Variants in KLHL5 observed in about 807,000 individuals in gnomAD.
KLHL5 encodes kelch like family member 5, also known as kelch-like protein 5.
A neutral mutation model predicts 77.7 loss-of-function variants in KLHL5; 48 were observed. That is an observed-to-expected ratio of 0.62 (90% confidence interval 0.49 to 0.79). The LOEUF (loss-of-function observed/expected upper bound fraction) is 0.79, where lower values mean the gene tolerates loss of function less well. KLHL5 is among the 30% of genes least tolerant of loss of function. KLHL5 has a pLI of 0.00. For missense variants in KLHL5, 723 were observed against 859.7 expected, an observed-to-expected ratio of 0.84 and a Z score of 1.99; for synonymous variants, 260 against 297.0, an observed-to-expected ratio of 0.88 and a Z score of 1.28.
chr4:39,117,026 G>A (rs73238530), intron 10 of KLHL5, among the ~76,000 whole-genome samples: 21,045 of 152,112 alleles, frequency 0.14, 1,765 homozygotes, highest in East Asian at 0.2. Context: ...TAGTAGAGAC[G>A]GGGTTTTGTC....
At chr4:39,074,167 G>A (rs1400425074) in intron 1 of KLHL5, among the ~76,000 whole-genome samples, 1 of 152,058 alleles carries the variant, frequency 6.6e-6, no homozygotes, top group East Asian at 1.9e-4. Flanking sequence ...AATATTCATA[G>A]TGTACAACAC....
chr4:39,142,655 T>TG, the KLHL5 span, among the ~76,000 whole-genome samples: 469 of 148,784 alleles, frequency 3.2e-3, no homozygotes, highest in Non-Finnish European at 4.9e-3. Flanking sequence ...ACTACCCAAA[T>TG]GTCCTGTAAT....
At chr4:39,110,777 T>C (rs550131848) in intron 8 of KLHL5, among the ~76,000 whole-genome samples, 1 of 152,272 alleles carries the variant, frequency 6.6e-6, no homozygotes, top group African/African-American at 2.4e-5. Flanking sequence ...CTACTTGCAT[T>C]CTTGATCATA....
At chr4:39,048,638 CTTTTT>C (rs34713116) in intron 1 of KLHL5, among the ~76,000 whole-genome samples, 3 of 79,142 alleles carry the variant, frequency 3.8e-5, no homozygotes, top group East Asian at 4.6e-4. Context: ...TTTACATTGG[CTTTTT>C]TTTTTTTTTT....
chr4:39,096,615 A>T, intron 5 of KLHL5, 77 bp from the exon 6 acceptor site: 1 of 983,194 alleles, frequency 1.0e-6, no homozygotes, highest in Non-Finnish European at 1.5e-6. Context: ...AATCCATTTG[A>T]GAACTATGTC....
At chr4:39,054,229 A>G (rs1481186826) in intron 1 of KLHL5, among the ~76,000 whole-genome samples, 2 of 152,160 alleles carry the variant, frequency 1.3e-5, no homozygotes, top group African/African-American at 4.8e-5. Flanking sequence ...GGTATTTTTG[A>G]GTAGTGAATG....
chr4:39,056,202 A>G (rs563802947), intron 1 of KLHL5, among the ~76,000 whole-genome samples: 90 of 152,308 alleles, frequency 5.9e-4, no homozygotes, highest in African/African-American at 2.1e-3. Flanking sequence ...GGTTCACTGC[A>G]GCCTCCACTT....
At chr4:39,083,787 C>T (rs986087985) in intron 4 of KLHL5, among the ~76,000 whole-genome samples, 6 of 152,154 alleles carry the variant, frequency 3.9e-5, no homozygotes, top group African/African-American at 1.4e-4. Context: ...ATTTAGGTCA[C>T]TCCTGTTGTT....
rs1483658874 is a variant in KLHL5, at chr4:39,122,965, T to C, written c.*1899T>C. 1.3e-5 allele frequency among the ~76,000 whole-genome samples: 2 copies of C among 152,216 alleles called. No individual in the cohort carries two copies. Among genetic ancestry groups the C allele is most frequent in the Admixed American group, 1.3e-4 (2 of 15,280 alleles). On this transcript the variant is annotated 3_prime_UTR_variant, in exon 11 of 11. Coordinates refer to ENST00000504108, the MANE Select transcript of KLHL5 (RefSeq NM_015990.5). ...CCTTAGTATTTAGGGAAGACTTTTGTTTAAATCTCTTATGGAATTTTACAT... is the reference window on the plus strand; with the variant it reads ...CCTTAGTATTTAGGGAAGACTTTTGCTTAAATCTCTTATGGAATTTTACAT...
chr4:39,103,554 C>T (rs746736935), intron 7 of KLHL5, 43 bp downstream of exon 7: 2 of 1,476,328 alleles, frequency 1.4e-6, no homozygotes, highest in African/African-American at 1.4e-5. Context: ...TCACATAGCT[C>T]CCACGGCACA....
upstream of KLHL5, among the ~76,000 whole-genome samples, chr4:39,060,158 G>A (rs1030658706): frequency 6.6e-6 from 1 of 152,094 alleles, no homozygotes; most frequent in Non-Finnish European, 1.5e-5. Context: ...AAAATTAGGT[G>A]AGAAGAGCAA....
intron 5 of KLHL5, among the ~76,000 whole-genome samples, chr4:39,094,678 TA>T (rs199684788): frequency 2.0e-4 from 30 of 150,074 alleles, no homozygotes; most frequent in Admixed American, 1.0e-3. Context: ...GAATAAAGAA[TA>T]AAAAAAAACA....
intron 10 of KLHL5, 128 bp downstream of exon 10, chr4:39,115,458 A>G: frequency 6.5e-7 from 1 of 1,528,356 alleles, no homozygotes; most frequent in Non-Finnish European, 8.8e-7. Context: ...TCACGTTTTG[A>G]TTAGCGATGA....
upstream of KLHL5, among the ~76,000 whole-genome samples, chr4:39,059,379 C>T (rs559316886): frequency 2.0e-5 from 3 of 152,186 alleles, no homozygotes; most frequent in Non-Finnish European, 2.9e-5. Context: ...TATTCAGCCA[C>T]ATTAATAATG....
chr4:39,093,114 A>G (rs1421080724), intron 5 of KLHL5: 1 of 455,866 alleles, frequency 2.2e-6, no homozygotes, highest in African/African-American at 2.0e-5. Flanking sequence ...GCATCCATCA[A>G]CTGGTGAATG....
the KLHL5 span, among the ~76,000 whole-genome samples, chr4:39,134,432 G>T: frequency 3.1e-4 from 47 of 152,060 alleles, no homozygotes; most frequent in Non-Finnish European, 6.0e-4. Flanking sequence ...TTAATGATAC[G>T]CAAACTAGCT....
Position 39,107,635 on chromosome 4 carries a change from C to T in KLHL5, c.1592C>T (p.Thr531Ile). 1 of 1,612,574 alleles carries T rather than the reference C, an allele frequency of 6.2e-7. No individual in the cohort carries two copies. The highest frequency in any genetic ancestry group is 8.5e-7 in the Non-Finnish European group (1 of 1,178,904). ...GGHDGWSYLN[T>I]VERWDPQARQ... ...CATGATGGCTGGAGCTATCTGAACA[C>T]AGTGGAAAGATGGGACCCTCAGGCT... is the stretch of plus-strand genomic sequence containing the variant. Residue 531 changes from threonine to isoleucine, a missense_variant, in exon 8 of 11, where the codon ACA becomes ATA. Physicochemically the swap from Thr to Ile is moderately conservative, Grantham distance 89. Transcript: ENST00000504108.
downstream of KLHL5, chr4:39,126,619 A>G (rs1322541743): frequency 7.3e-6 from 3 of 410,308 alleles, no homozygotes; most frequent in Non-Finnish European, 9.7e-6. Context: ...AGTGCCCTGG[A>G]TCTTTGCCCA....
At chr4:39,048,568 G>C (rs1398776067) in intron 1 of KLHL5, among the ~76,000 whole-genome samples, 1 of 151,496 alleles carries the variant, frequency 6.6e-6, no homozygotes, top group African/African-American at 2.4e-5. Flanking sequence ...CAGGCTGTTG[G>C]AGGCTGTATC....
Sources: gnomAD v4.1 joint callset for allele counts (sites outside exome capture counted in the v4.1 genomes callset) on GRCh38, gnomAD v4.1.1 for gene constraint, MANE v1.5 for transcripts, NCBI Gene and HGNC (gene_info 2026-07-23, HGNC 2026-07-21) for gene names.